The following BET1 variants were observed in gnomAD, a reference collection of about 807,000 sequenced individuals.
BET1 encodes BET1 homolog.
In BET1, 9 loss-of-function variants were observed where a neutral mutation model predicts 13.9. The observed-to-expected ratio is 0.65, with a 90% CI of 0.39 to 1.13. The LOEUF (loss-of-function observed/expected upper bound fraction) is 1.13. Among genes scored for constraint, BET1 ranks in the 50% most tolerant of loss-of-function variants. The probability of loss-of-function intolerance (pLI) is 0.01; values close to 1 mark genes in which losing one functional copy is unlikely to be tolerated. For synonymous variants in BET1, 39 were observed against 47.3 expected (o/e 0.82, Z 0.72); for missense variants, 127 against 133.6 (o/e 0.95, Z 0.24).
intron 2 of BET1, among the ~76,000 whole-genome samples, chr7:93,997,048 T>C (rs1372448588): frequency 6.6e-6 from 1 of 152,084 alleles, no homozygotes; most frequent in East Asian, 1.9e-4. Context: ...CCTGAAGCTC[T>C]GAAGAAAAGA....
At chr7:93,964,623 G>C (rs1050606143) in exon 7 of BET1, 1 of 151,772 alleles carries the variant, frequency 6.6e-6, no homozygotes, top group African/African-American at 2.4e-5. Context: ...AAATCGATAC[G>C]CAAAAAAACA....
downstream of BET1, among the ~76,000 whole-genome samples, chr7:93,988,703 T>A (rs1795572335): frequency 6.6e-6 from 1 of 152,062 alleles, no homozygotes; most frequent in Non-Finnish European, 1.5e-5. Context: ...AATATTTTCA[T>A]ACTGCCCATC....
At chr7:93,978,149 A>T (rs1197751681) in intron 4 of BET1, among the ~76,000 whole-genome samples, 1 of 151,698 alleles carries the variant, frequency 6.6e-6, no homozygotes, top group Non-Finnish European at 1.5e-5. Context: ...GGCTTACCAC[A>T]GCCTCCACCT....
At chr7:94,004,150 G>A (rs1486610812) in intron 1 of BET1, 48 bp downstream of exon 1, 6 of 1,613,500 alleles carry the variant, frequency 3.7e-6, no homozygotes, top group African/African-American at 1.3e-5. Context: ...GCGCCCCAGC[G>A]CTCCCGGTTC....
At chr7:93,970,015 G>T (rs1318419896) in intron 6 of BET1, among the ~76,000 whole-genome samples, 2 of 151,762 alleles carry the variant, frequency 1.3e-5, no homozygotes, top group Non-Finnish European at 2.9e-5. Flanking sequence ...TTCACAGAGA[G>T]AGTATCAATT....
At chr7:93,980,334 A>G (rs2116063415) in intron 4 of BET1, among the ~76,000 whole-genome samples, 1 of 152,262 alleles carries the variant, frequency 6.6e-6, no homozygotes, top group South Asian at 2.1e-4. Flanking sequence ...CAACAACAAC[A>G]ACAAACAACT....
intron 6 of BET1, among the ~76,000 whole-genome samples, chr7:93,966,890 T>C (rs897288537): frequency 6.6e-6 from 1 of 151,882 alleles, no homozygotes; most frequent in Non-Finnish European, 1.5e-5. Context: ...TCTTCTGTTT[T>C]AGTCTAAAGC....
intron 4 of BET1, among the ~76,000 whole-genome samples, chr7:93,976,971 T>C (rs1795346054): frequency 6.6e-6 from 1 of 152,152 alleles, no homozygotes; most frequent in Non-Finnish European, 1.5e-5. Context: ...AATAACAGTC[T>C]CTGACTCCAT....
Position 93,993,814 on chromosome 7 carries a change from T to G in BET1, c.*416A>C, listed in dbSNP as rs1443722953. The G allele has an allele frequency of 1.3e-6, 2 of 1,528,022 alleles. No homozygotes were observed. Among genetic ancestry groups the G allele is most frequent in the African/African-American group, 2.8e-5 (2 of 72,602 alleles). 94.7% of individuals were successfully genotyped at this position (1,528,022 alleles called of 1,614,324 possible). A position where few individuals can be genotyped will look rare whatever the true frequency, so the allele number is the denominator to read the frequency against. On this transcript the variant is annotated 3_prime_UTR_variant, in exon 4 of 4. Coordinates refer to ENST00000222547, the MANE Select transcript of BET1 (RefSeq NM_005868.6). ...GCAGTTAGGAAAATTCAATTACCAT[T>G]TTACCACAAACTGGCTGACTACTTC...
chr7:93,995,835 G>C (rs1401193702), intron 3 of BET1, among the ~76,000 whole-genome samples: 1 of 152,196 alleles, frequency 6.6e-6, no homozygotes, highest in African/African-American at 2.4e-5. Flanking sequence ...AAATGTATGA[G>C]CACTTTTTTC....
In BET1 at chr7:93,993,696, C is replaced by A. The variant is rs1264130745; in HGVS notation, c.*534G>T. 1.1e-4 allele frequency: 145 copies of A among 1,347,230 alleles called. No homozygotes were observed. The highest frequency in any genetic ancestry group is 1.2e-4 in the Non-Finnish European group (130 of 1,055,578). The allele number at this position is 1,347,230 out of a possible 1,614,324, so 83.5% of individuals were successfully genotyped here. A position where few individuals can be genotyped will look rare whatever the true frequency, so the allele number is the denominator to read the frequency against. On this transcript the variant is annotated 3_prime_UTR_variant, in exon 4 of 4. Transcript: ENST00000222547. ...GAAAGAAATGAGGGGTCATTATCAT[C>A]AAAAATTATTAGGAAGATTGTAGGT...
intron 1 of BET1, among the ~76,000 whole-genome samples, chr7:94,002,730 A>T (rs536461594): frequency 1.3e-5 from 2 of 152,262 alleles, no homozygotes; most frequent in South Asian, 2.1e-4. Flanking sequence ...GCATGCAAAG[A>T]TCTCCACAGT....
chr7:94,002,350 G>T (rs1189210016), intron 1 of BET1, among the ~76,000 whole-genome samples: 2 of 144,298 alleles, frequency 1.4e-5, no homozygotes, highest in African/African-American at 5.2e-5. Context: ...AAAAAGAAAA[G>T]AAAAAATGTG....
chr7:93,993,642 T>C lies in BET1; in HGVS notation c.*588A>G, dbSNP rs1795688263. 2 of 1,286,716 alleles carry C rather than the reference T, an allele frequency of 1.6e-6. No individual in the cohort carries two copies. The highest frequency in any genetic ancestry group is 3.1e-5 in the East Asian group (1 of 31,994). 79.7% of individuals were successfully genotyped at this position (1,286,716 alleles called of 1,614,324 possible). A position where few individuals can be genotyped will look rare whatever the true frequency, so the allele number is the denominator to read the frequency against. On this transcript the variant is annotated 3_prime_UTR_variant, in exon 4 of 4. Coordinates refer to ENST00000222547, the MANE Select transcript of BET1 (RefSeq NM_005868.6). ...ACCAGAAATATGCCAAAATAACAAGTTTTATTTAAAGAATGAGGTCTTTGG... is the reference window on the plus strand; with the variant it reads ...ACCAGAAATATGCCAAAATAACAAGCTTTATTTAAAGAATGAGGTCTTTGG...
intron 5 of BET1, among the ~76,000 whole-genome samples, chr7:93,974,686 A>G (rs1482456647): frequency 6.6e-6 from 1 of 152,172 alleles, no homozygotes; most frequent in African/African-American, 2.4e-5. Context: ...AAAAGATTCC[A>G]ATTAATAAGT....
At chr7:93,986,133 A>G (rs764883402) in intron 4 of BET1, among the ~76,000 whole-genome samples, 3 of 152,164 alleles carry the variant, frequency 2.0e-5, no homozygotes, top group Non-Finnish European at 4.4e-5. Context: ...TATTCGACCT[A>G]TGTGCATCCT....
chr7:93,999,426 T>C, intron 1 of BET1, 132 bp from the exon 2 acceptor site: 3 of 1,150,672 alleles, frequency 2.6e-6, no homozygotes, highest in Non-Finnish European at 3.6e-6. Context: ...ATACTCCAAA[T>C]GAATTTAAAA....
intron 4 of BET1, among the ~76,000 whole-genome samples, chr7:93,980,745 G>A (rs1479858625): frequency 1.3e-5 from 2 of 152,126 alleles, no homozygotes; most frequent in African/African-American, 4.8e-5. Flanking sequence ...ATTCAACATA[G>A]TACTGGAAGT....
chr7:93,996,428 T>A, intron 2 of BET1, 107 bp from the exon 3 acceptor site: 2 of 741,712 alleles, frequency 2.7e-6, no homozygotes, highest in Admixed American at 3.0e-5. Context: ...AATGAAACGG[T>A]CTTCTAGACA....
Sources: allele counts gnomAD v4.1 joint callset (sites outside exome capture counted in the v4.1 genomes callset), GRCh38; gene constraint gnomAD v4.1.1; transcripts MANE v1.5; gene names NCBI Gene and HGNC (gene_info 2026-07-23, HGNC 2026-07-21).